RBM5: variants seen among roughly 807,000 people sequenced by gnomAD.
RBM5 encodes RNA-binding protein 5.
RBM5 carries 15 observed loss-of-function variants against 124.6 expected under a neutral mutation model. The ratio of observed to expected loss-of-function variants is 0.12; its 90% CI spans 0.08 to 0.19. The LOEUF is 0.19. Ranked by LOEUF, RBM5 falls within the 10% of genes least tolerant of loss-of-function variation. RBM5 has a pLI of 1.00. For missense variants in RBM5, 580 were observed against 1,026.5 expected (o/e 0.57, Z 5.94); for synonymous variants, 337 against 361.2 (o/e 0.93, Z 0.76).
At chr3:50,113,336 C>T (rs565537849) in intron 17 of RBM5, 47 bp from the exon 18 acceptor site, 73 of 1,553,066 alleles carry the variant, frequency 4.7e-5, no homozygotes, top group Non-Finnish European at 5.5e-5. Context: ...AATCGACTGA[C>T]ATAGCAGAAA....
chr3:50,115,716 C>G, intron 21 of RBM5, 109 bp downstream of exon 21: 1 of 1,345,664 alleles, frequency 7.4e-7, no homozygotes, highest in Non-Finnish European at 1.0e-6. Context: ...TAATGATGGC[C>G]TTACAGAAAG....
intron 4 of RBM5, chr3:50,094,383 G>C (rs1315467851): frequency 6.6e-6 from 1 of 152,180 alleles, no homozygotes; most frequent in Non-Finnish European, 1.5e-5. Context: ...CCTGCCACCC[G>C]CCTCGGCCTC....
rs183389662 is a variant in RBM5 at position 50,117,211 on chromosome 3, C to T, written c.2193-39C>T. 807 of 1,614,114 alleles carry T rather than the reference C, an allele frequency of 5.0e-4. No homozygotes were observed. The highest frequency in any genetic ancestry group is 1.2e-3 in the Admixed American group (71 of 60,016). Reference sequence around the variant, plus strand: ...CATTTTCCAGTTCGTAAGCTGGGGCCCTGGCTGTTTTAAGTAACTGTGTGT... The same window carrying T: ...CATTTTCCAGTTCGTAAGCTGGGGCTCTGGCTGTTTTAAGTAACTGTGTGT... On this transcript the variant is annotated intron_variant, in intron 23 of 24. Coordinates refer to ENST00000347869, the MANE Select transcript of RBM5 (RefSeq NM_005778.4). The surrounding 1 kb of genome is among the most constrained non-coding windows in gnomAD (Gnocchi z 4.2).
chr3:50,115,867 G>T (rs749136956), intron 21 of RBM5, 39 bp from the exon 22 acceptor site: 1 of 1,546,770 alleles, frequency 6.5e-7, no homozygotes, highest in South Asian at 1.1e-5. Context: ...AATTAAGATG[G>T]TCTGAGTCCT....
intron 10 of RBM5, 96 bp downstream of exon 10, chr3:50,105,805 C>T (rs1163046671): frequency 7.5e-7 from 1 of 1,339,758 alleles, no homozygotes; most frequent in African/African-American, 1.5e-5. Flanking sequence ...GCTCCTAAAG[C>T]CCAAGATGCA....
Position 50,118,696 on chromosome 3 carries a change from T to C in RBM5, c.*240T>C. ...GAACAGACCGGAGAGGACAGTGGAT[T>C]GTTTATACTCCAGTGTACATAGTGT... On this transcript the variant is annotated 3_prime_UTR_variant, in exon 25 of 25. Coordinates refer to ENST00000347869, the MANE Select transcript of RBM5 (RefSeq NM_005778.4). 1 of 581,680 alleles carries C rather than the reference T, an allele frequency of 1.7e-6. No homozygotes were observed. The highest frequency in any genetic ancestry group is 3.0e-6 in the Non-Finnish European group (1 of 330,852). 36.0% of individuals were successfully genotyped at this position (581,680 alleles called of 1,614,324 possible).
chr3:50,109,135 G>T (rs749404836), intron 14 of RBM5, among the ~76,000 whole-genome samples: 1 of 151,906 alleles, frequency 6.6e-6, no homozygotes, highest in Non-Finnish European at 1.5e-5. Context: ...GTGCGGTGGC[G>T]TTATCTCGGT....
intron 4 of RBM5, chr3:50,099,573 C>T (rs1244124561): frequency 6.4e-6 from 1 of 155,972 alleles, no homozygotes; most frequent in Non-Finnish European, 1.4e-5. Context: ...TGGTGGATGC[C>T]TGTAATCCCA....
intron 22 of RBM5, chr3:50,116,348 C>T (rs974775416): frequency 9.2e-6 from 2 of 216,378 alleles, no homozygotes; most frequent in Non-Finnish European, 1.9e-5. Flanking sequence ...GACAGCAGGA[C>T]GTGAGGTTAT....
intron 21 of RBM5, 120 bp from the exon 22 acceptor site, chr3:50,115,786 T>G: frequency 1.7e-6 from 2 of 1,195,706 alleles, no homozygotes; most frequent in Non-Finnish European, 2.4e-6. Context: ...CTATAGTTTT[T>G]ATGTGATTGT....
chr3:50,104,582 G>T (rs1428282169), intron 8 of RBM5: 3 of 416,130 alleles, frequency 7.2e-6, no homozygotes, highest in Non-Finnish European at 1.3e-5. Context: ...GTTGAAGGCT[G>T]CAGTGAGCTA....
chr3:50,103,686 G>C lies in RBM5; in HGVS notation c.567+520G>C, dbSNP rs369477057. On this transcript the variant is annotated intron_variant, in intron 7 of 24. Coordinates refer to ENST00000347869, the MANE Select transcript of RBM5 (RefSeq NM_005778.4). ...ACAACAAAAAGGATGCAGGTTCTAA[G>C]CCCAGTGATTAAGATTTTAGGTGTG... Among the ~76,000 whole-genome samples, 3 of 152,226 alleles carry C rather than the reference G, an allele frequency of 2.0e-5. No individual in the cohort carries two copies. In the East Asian group the frequency reaches 5.8e-4, roughly 29 times the overall value.
At chr3:50,092,291 G>A (rs2090717933) in intron 3 of RBM5, 83 bp downstream of exon 3, 1 of 1,444,176 alleles carries the variant, frequency 6.9e-7, no homozygotes, top group Admixed American at 2.1e-5. Flanking sequence ...GCCAGGTCCA[G>A]TGGCCCCTTC....
At chr3:50,110,484 CTGT>C in intron 16 of RBM5, 21 bp downstream of exon 16, 6 of 1,602,008 alleles carry the variant, frequency 3.7e-6, no homozygotes, top group Non-Finnish European at 4.3e-6. Flanking sequence ...CCTCATGGGG[CTGT>C]TGACAGTTGG....
At chr3:50,089,424 C>T (rs940048112) in intron 1 of RBM5, among the ~76,000 whole-genome samples, 4 of 152,204 alleles carry the variant, frequency 2.6e-5, no homozygotes, top group Non-Finnish European at 1.5e-5. Context: ...CGGTGATCGC[C>T]CATCTGCGGG....
chr3:50,094,006 G>T, intron 4 of RBM5, 131 bp downstream of exon 4: 7 of 990,028 alleles, frequency 7.1e-6, no homozygotes, highest in South Asian at 2.0e-5. Flanking sequence ...CAAAATGCTT[G>T]GGACCAGAAC....
At chr3:50,092,389 C>A (rs1337933733) in intron 3 of RBM5, among the ~76,000 whole-genome samples, 181 bp downstream of exon 3, 1 of 151,922 alleles carries the variant, frequency 6.6e-6, no homozygotes, top group Non-Finnish European at 1.5e-5. Flanking sequence ...TAGTAAAACC[C>A]GTCTCTACTA....
rs1273825221 is a variant in RBM5, at chr3:50,106,757, TCTC to T, written c.856-7_856-5del. The T allele has an allele frequency of 3.8e-6, 6 of 1,576,634 alleles. No individual in the cohort carries two copies. The African/African-American group carries it at 5.4e-5, about 14-fold the overall frequency. ...CATTACACGTTTTTTTCCTTCACAT[TCTC>T]CTTCAGGATGCTTCTCAGCTGCTTC... On this transcript the variant is annotated splice_region_variant and splice_polypyrimidine_tract_variant and intron_variant, in intron 10 of 24. Transcript: ENST00000347869.
Position 50,099,754 on chromosome 3 carries a change from C to G in RBM5, c.340-228C>G, listed in dbSNP as rs34535765. The G allele has an allele frequency of 8.3e-6, 3 of 361,628 alleles. No homozygotes were observed. The Admixed American group carries it at 1.3e-4, about 16-fold the overall frequency. The allele number at this position is 361,628 out of a possible 1,614,324, so 22.4% of individuals were successfully genotyped here. Reference sequence around the variant, plus strand: ...GTGCACACCTATAATCCCAGCTACTCGGGAGGCTGAGGCAGGAGAATTGCT... The same window carrying G: ...GTGCACACCTATAATCCCAGCTACTGGGGAGGCTGAGGCAGGAGAATTGCT... On this transcript the variant is annotated intron_variant, in intron 4 of 24. Coordinates refer to ENST00000347869, the MANE Select transcript of RBM5 (RefSeq NM_005778.4).
Sources: gnomAD v4.1 joint callset for allele counts (sites outside exome capture counted in the v4.1 genomes callset) on GRCh38, gnomAD v4.1.1 for gene constraint, Gnocchi (gnomAD v3.1) non-coding constraint, MANE v1.5 for transcripts, NCBI Gene and HGNC (gene_info 2026-07-23, HGNC 2026-07-21) for gene names.